Variants in CSMD1 observed in about 807,000 individuals in gnomAD.
CSMD1 encodes the protein CUB and sushi domain-containing protein 1.
A neutral mutation model predicts 417.5 loss-of-function variants in CSMD1; 213 were observed. The ratio of observed to expected loss-of-function variants is 0.51; its 90% CI spans 0.46 to 0.57. CSMD1 has a LOEUF of 0.57. CSMD1 is among the 20% of genes least tolerant of loss of function. CSMD1 has a pLI of 0.00. For missense variants in CSMD1, 6,923 were observed against 4,529.7 expected (o/e 1.53, Z -15.17); for synonymous variants, 2,862 against 1,736.8 (o/e 1.65, Z -16.11).
At chr8:3,840,985 G>T (rs1028600320) in intron 5 of CSMD1, among the ~76,000 whole-genome samples, 3 of 152,024 alleles carry the variant, frequency 2.0e-5, no homozygotes, top group Non-Finnish European at 4.4e-5. Context: ...CAGATTACAG[G>T]CATGAACCAC....
chr8:2,938,731 C>G lies in CSMD1; in HGVS notation c.10549G>C (p.Val3517Leu), dbSNP rs1277532754. 6.2e-7 allele frequency: 1 copy of G among 1,608,332 alleles called. No individual in the cohort carries two copies. Among genetic ancestry groups the G allele is most frequent in the Non-Finnish European group, 8.5e-7 (1 of 1,177,128 alleles). ...YLYKHRTRPK[V>L]QYNGYAGHEN... ...TGCCCAGCATAGCCATTGTATTGAACTTTTGGTCTCGTTCTAAGGAAAACA... is the reference window on the plus strand; with the variant it reads ...TGCCCAGCATAGCCATTGTATTGAAGTTTTGGTCTCGTTCTAAGGAAAACA... Residue 3517 changes from valine (V) to leucine (L), a missense_variant, in exon 70 of 70, where the codon GTT becomes CTT. Val to Leu is a conservative substitution (Grantham distance 32). Coordinates refer to ENST00000635120, the MANE Select transcript of CSMD1 (RefSeq NM_033225.6).
At chr8:4,706,963 G>C (rs1807984980) in intron 1 of CSMD1, among the ~76,000 whole-genome samples, 3 of 152,154 alleles carry the variant, frequency 2.0e-5, no homozygotes, top group Non-Finnish European at 4.4e-5. Flanking sequence ...CAGAGGTTGG[G>C]GTTAGAGTGA....
chr8:3,444,442 T>C (rs2117075324), intron 12 of CSMD1, among the ~76,000 whole-genome samples: 1 of 152,250 alleles, frequency 6.6e-6, no homozygotes, highest in African/African-American at 2.4e-5. Flanking sequence ...TACAAAACAA[T>C]AAAAGAAATT....
intron 8 of CSMD1, among the ~76,000 whole-genome samples, chr8:3,589,401 T>C (rs1220758618): frequency 6.6e-6 from 1 of 151,392 alleles, no homozygotes; most frequent in Non-Finnish European, 1.5e-5. Flanking sequence ...TGTGTGTGTG[T>C]GTGTTCACGC....
intron 3 of CSMD1, among the ~76,000 whole-genome samples, chr8:4,043,622 A>T (rs538611756): frequency 1.3e-5 from 2 of 152,358 alleles, no homozygotes; most frequent in Admixed American, 6.5e-5. Context: ...GAATTTCAAA[A>T]GACGAAATGC....
At chr8:3,818,049 A>G (rs1024148129) in intron 5 of CSMD1, among the ~76,000 whole-genome samples, 18 of 152,164 alleles carry the variant, frequency 1.2e-4, no homozygotes, top group African/African-American at 4.3e-4. Flanking sequence ...CTCTCGTTCT[A>G]TTCGGCTTGG....
At chr8:3,825,266 A>T (rs1801987026) in intron 5 of CSMD1, among the ~76,000 whole-genome samples, 1 of 152,280 alleles carries the variant, frequency 6.6e-6, no homozygotes, top group East Asian at 1.9e-4. Flanking sequence ...GTGGTGGCTC[A>T]CGCCTGTAAT....
At chr8:3,507,141 T>C (rs890813344) in intron 10 of CSMD1, among the ~76,000 whole-genome samples, 1 of 152,160 alleles carries the variant, frequency 6.6e-6, no homozygotes, top group African/African-American at 2.4e-5. Context: ...AGAATTTACA[T>C]AGTGGAAAAG....
chr8:4,064,548 G>C (rs1038994164), intron 3 of CSMD1, among the ~76,000 whole-genome samples: 1 of 152,142 alleles, frequency 6.6e-6, no homozygotes, highest in African/African-American at 2.4e-5. Context: ...GGGGTGCATC[G>C]ATGTCAACAC....
chr8:4,725,609 CT>C (rs1809379359), intron 1 of CSMD1, among the ~76,000 whole-genome samples: 1 of 152,146 alleles, frequency 6.6e-6, no homozygotes, highest in South Asian at 2.1e-4. Context: ...CAAATGTCCA[CT>C]TTTTAAAGAA....
intron 1 of CSMD1, among the ~76,000 whole-genome samples, chr8:4,951,574 A>T (rs1808750363): frequency 1.4e-5 from 1 of 73,448 alleles, no homozygotes; most frequent in South Asian, 4.2e-4. Flanking sequence ...AATAAAAAAG[A>T]AAAGAAGCAA....
At chr8:3,404,314 G>A (rs1812220700) in intron 15 of CSMD1, among the ~76,000 whole-genome samples, 1 of 139,568 alleles carries the variant, frequency 7.2e-6, no homozygotes, top group Non-Finnish European at 1.5e-5. Context: ...CAGCCTGGGT[G>A]ACAGAGCCAG....
intron 2 of CSMD1, among the ~76,000 whole-genome samples, chr8:4,588,244 C>T (rs1317229333): frequency 2.0e-5 from 3 of 151,732 alleles, no homozygotes; most frequent in Non-Finnish European, 2.9e-5. Flanking sequence ...ACTCAATGGC[C>T]GTCAGAAGAC....
chr8:4,187,365 G>A (rs576711345), intron 3 of CSMD1, among the ~76,000 whole-genome samples: 1 of 152,058 alleles, frequency 6.6e-6, no homozygotes, highest in Non-Finnish European at 1.5e-5. Flanking sequence ...GTAGCATTTG[G>A]GCCAGGCACG....
chr8:3,582,417 T>G (rs2116979574), intron 9 of CSMD1, among the ~76,000 whole-genome samples: 1 of 152,306 alleles, frequency 6.6e-6, no homozygotes, highest in East Asian at 1.9e-4. Context: ...CCTGAGGAAC[T>G]TACGTATTTT....
chr8:4,326,804 A>G (rs1015317133), intron 3 of CSMD1, among the ~76,000 whole-genome samples: 2 of 151,900 alleles, frequency 1.3e-5, no homozygotes, highest in African/African-American at 2.4e-5. Context: ...GAAATCACCA[A>G]GAAAACTTTG....
At chr8:3,465,933 G>A (rs990841709) in intron 12 of CSMD1, among the ~76,000 whole-genome samples, 4 of 152,140 alleles carry the variant, frequency 2.6e-5, no homozygotes, top group Non-Finnish European at 4.4e-5. Context: ...TGCCTCAGAG[G>A]AAGTTAACTG....
chr8:3,294,228 C>A (rs562835648), intron 25 of CSMD1, among the ~76,000 whole-genome samples: 1 of 111,076 alleles, frequency 9.0e-6, no homozygotes, highest in Non-Finnish European at 2.4e-5. Flanking sequence ...TGTCTGTTGG[C>A]CCCTACTGGG....
chr8:3,015,672 C>T (rs1369063540), intron 52 of CSMD1, among the ~76,000 whole-genome samples: 1 of 151,938 alleles, frequency 6.6e-6, no homozygotes, highest in Non-Finnish European at 1.5e-5. Context: ...ACAAGTATCT[C>T]GTTTACCCCG....
Sources: allele counts gnomAD v4.1 joint callset (sites outside exome capture counted in the v4.1 genomes callset), GRCh38; gene constraint gnomAD v4.1.1; transcripts MANE v1.5; gene names NCBI Gene and HGNC (gene_info 2026-07-23, HGNC 2026-07-21).